The following ARHGAP15 variants were observed in gnomAD, a reference collection of about 807,000 sequenced individuals.
The protein encoded by ARHGAP15 is Rho GTPase activating protein 15, also known as rho GTPase-activating protein 15.
In ARHGAP15, 51 loss-of-function variants were observed where a neutral mutation model predicts 63.7. That is an observed-to-expected ratio of 0.80 (90% confidence interval 0.64 to 1.01). ARHGAP15 has a LOEUF of 1.01. Ranked by LOEUF, ARHGAP15 falls within the 50% of genes least tolerant of loss-of-function variation. The pLI is 0.00. For missense variants in ARHGAP15, 560 were observed against 564.6 expected (o/e 0.99, Z 0.08); for synonymous variants, 191 against 193.8 (o/e 0.99, Z 0.12).
intron 12 of ARHGAP15, among the ~76,000 whole-genome samples, chr2:143,702,023 G>C (rs1684111637): frequency 6.6e-6 from 1 of 152,148 alleles, no homozygotes; most frequent in Non-Finnish European, 1.5e-5. Context: ...AAGGCAGCTG[G>C]GTCTATTACC....
intron 6 of ARHGAP15, among the ~76,000 whole-genome samples, chr2:143,324,505 A>AT (rs1448519593): frequency 1.3e-5 from 2 of 152,172 alleles, no homozygotes; most frequent in Admixed American, 6.5e-5. Flanking sequence ...TTTGCACCGT[A>AT]TTTTAGTGAG....
At chr2:143,306,650 T>C (rs1683185364) in intron 6 of ARHGAP15, among the ~76,000 whole-genome samples, 1 of 152,134 alleles carries the variant, frequency 6.6e-6, no homozygotes, top group Admixed American at 6.6e-5. Context: ...ATTAGGGTTG[T>C]CCTTGGATAA....
At chr2:143,547,033 GCTAGGTTCTTTT>G (rs1434615327) in intron 10 of ARHGAP15, among the ~76,000 whole-genome samples, 1 of 152,074 alleles carries the variant, frequency 6.6e-6, no homozygotes, top group South Asian at 2.1e-4. Context: ...GACCACTGAT[GCTAGGTTCTTTT>G]CTAGAGAAAT....
intron 2 of ARHGAP15, among the ~76,000 whole-genome samples, chr2:143,195,193 G>C (rs994395727): frequency 2.6e-5 from 4 of 151,800 alleles, no homozygotes; most frequent in African/African-American, 2.4e-5. Context: ...ACAATCAAAA[G>C]AGGCTTAGGG....
intron 10 of ARHGAP15, among the ~76,000 whole-genome samples, chr2:143,548,228 G>A (rs115816134): frequency 0.015 from 2,312 of 152,204 alleles, 27 homozygotes; most frequent in Middle Eastern, 0.037. Flanking sequence ...AGGGGCAAAA[G>A]AAGGAAGTGG....
intron 6 of ARHGAP15, among the ~76,000 whole-genome samples, chr2:143,431,702 A>C (rs369407849): frequency 6.6e-6 from 1 of 152,014 alleles, no homozygotes; most frequent in Admixed American, 6.6e-5. Context: ...CTATTTATCC[A>C]AACAGATTGT....
chr2:143,435,526 T>C, intron 6 of ARHGAP15, 75 bp from the exon 7 acceptor site: 1 of 1,404,370 alleles, frequency 7.1e-7, no homozygotes, highest in South Asian at 1.6e-5. Flanking sequence ...TAAAAAAGGA[T>C]TTTTACATGT....
At chr2:143,153,846 C>G (rs4662196) in intron 1 of ARHGAP15, among the ~76,000 whole-genome samples, 2 of 57,256 alleles carry the variant, frequency 3.5e-5, no homozygotes, top group Non-Finnish European at 7.3e-5. Flanking sequence ...CTTCTTCTTC[C>G]TCCTCCTCCT....
At chr2:143,144,192 C>A (rs1486737343) in intron 1 of ARHGAP15, among the ~76,000 whole-genome samples, 8 of 151,978 alleles carry the variant, frequency 5.3e-5, no homozygotes, top group Non-Finnish European at 1.2e-4. Context: ...AACTCTATGT[C>A]TTTGATACTG....
chr2:143,273,120 T>C (rs571016746), intron 6 of ARHGAP15, among the ~76,000 whole-genome samples: 9 of 152,298 alleles, frequency 5.9e-5, no homozygotes, highest in Non-Finnish European at 1.2e-4. Flanking sequence ...TATACTTCTC[T>C]ATATACATCA....
At chr2:143,285,031 A>G (rs902957332) in intron 6 of ARHGAP15, among the ~76,000 whole-genome samples, 3 of 152,218 alleles carry the variant, frequency 2.0e-5, no homozygotes, top group Non-Finnish European at 4.4e-5. Flanking sequence ...TGAGCCAAAG[A>G]CATACACCAG....
intron 11 of ARHGAP15, among the ~76,000 whole-genome samples, chr2:143,614,028 T>C (rs1698363486): frequency 6.6e-6 from 1 of 152,178 alleles, no homozygotes; most frequent in Non-Finnish European, 1.5e-5. Flanking sequence ...CTCCGACAAC[T>C]TGTGGCATCC....
chr2:143,420,338 A>G (rs1195068599), intron 6 of ARHGAP15, among the ~76,000 whole-genome samples: 1 of 152,196 alleles, frequency 6.6e-6, no homozygotes, highest in African/African-American at 2.4e-5. Flanking sequence ...ATCTTAGAGC[A>G]GCAAGCACCT....
rs1032190237 is a variant in ARHGAP15, at chr2:143,285,256, C to T, written c.474+34656C>T. ...AAATTAAGAAACTATGGAAACTTAA[C>T]TAATTCAATATTTTTTTTCAATATA... On this transcript the variant is annotated intron_variant, in intron 6 of 13. Transcript: ENST00000295095. Among the ~76,000 whole-genome samples, 35 of 151,958 alleles carry T rather than the reference C, an allele frequency of 2.3e-4. 1 individual carries two copies.
At chr2:143,165,943 GAAGAAAGAAAGAAAGAGAGA>G (rs1267512838) in intron 2 of ARHGAP15, among the ~76,000 whole-genome samples, 1 of 92,588 alleles carries the variant, frequency 1.1e-5, no homozygotes, top group African/African-American at 4.0e-5. Flanking sequence ...GAAAAGAAAA[GAAGAAAGAAAGAAAGAGAGA>G]AAGAAAGAAA....
rs116110542 is a variant in ARHGAP15 at position 143,272,913 on chromosome 2, T to C, written c.474+22313T>C. 6.4e-3 allele frequency among the ~76,000 whole-genome samples: 979 copies of C among 152,318 alleles called. 12 individuals carry two copies. Among genetic ancestry groups the C allele is most frequent in the African/African-American group, 0.022 (907 of 41,568 alleles). ...TGTGTTTTAAATTTAAATTTAACTC[T>C]ATATGATGGAATTTTTTTTTATTTT... is the stretch of plus-strand genomic sequence containing the variant. On this transcript the variant is annotated intron_variant, in intron 6 of 13. Coordinates refer to ENST00000295095, the MANE Select transcript of ARHGAP15 (RefSeq NM_018460.4).
intron 6 of ARHGAP15, among the ~76,000 whole-genome samples, chr2:143,273,122 T>G (rs1172037173): frequency 2.0e-5 from 3 of 152,184 alleles, no homozygotes; most frequent in Non-Finnish European, 4.4e-5. Flanking sequence ...TACTTCTCTA[T>G]ATACATCATT....
intron 8 of ARHGAP15, among the ~76,000 whole-genome samples, chr2:143,483,598 A>G (rs994693637): frequency 1.3e-5 from 2 of 152,212 alleles, no homozygotes; most frequent in African/African-American, 4.8e-5. Context: ...TCAGTCTCCA[A>G]CACTAGAATA....
chr2:143,542,621 C>G (rs868227086), intron 10 of ARHGAP15, among the ~76,000 whole-genome samples: 2 of 141,684 alleles, frequency 1.4e-5, no homozygotes, highest in Admixed American at 1.5e-4. Context: ...GCATATATAT[C>G]ATATATATAT....
Sources: allele counts gnomAD v4.1 joint callset (sites outside exome capture counted in the v4.1 genomes callset), GRCh38; gene constraint gnomAD v4.1.1; transcripts MANE v1.5; gene names NCBI Gene and HGNC (gene_info 2026-07-23, HGNC 2026-07-21).